The following CALN1 variants were observed in gnomAD, a reference collection of about 807,000 sequenced individuals.
The protein encoded by CALN1 is calneuron 1, also known as calcium-binding protein 8.
In CALN1, 17 loss-of-function variants were observed where a neutral mutation model predicts 30.6. The observed-to-expected ratio is 0.56, with a 90% CI of 0.38 to 0.83. The LOEUF (loss-of-function observed/expected upper bound fraction) is 0.83, where lower values mean the gene tolerates loss of function less well. Ranked by LOEUF, CALN1 falls within the 40% of genes least tolerant of loss-of-function variation. The pLI is 0.00. For missense variants in CALN1, 291 were observed against 354.9 expected (o/e 0.82, Z 1.45); for synonymous variants, 156 against 131.4 (o/e 1.19, Z -1.28).
At chr7:71,867,525 C>T (rs528998154) in intron 5 of CALN1, among the ~76,000 whole-genome samples, 1 of 152,184 alleles carries the variant, frequency 6.6e-6, no homozygotes, top group South Asian at 2.1e-4. Context: ...ACCTCCACCT[C>T]CCGGATTCAA....
the CALN1 span, among the ~76,000 whole-genome samples, chr7:72,475,653 G>A: frequency 4.2e-3 from 638 of 152,260 alleles, 3 homozygotes; most frequent in South Asian, 0.015. Flanking sequence ...GAATTTCATG[G>A]CATATGCCTT....
intron 3 of CALN1, among the ~76,000 whole-genome samples, chr7:72,189,300 G>A (rs894401060): frequency 1.2e-4 from 19 of 152,278 alleles, no homozygotes; most frequent in South Asian, 4.2e-4. Flanking sequence ...AGTAATATCC[G>A]TGTATTGTTT....
chr7:72,303,667 C>T (rs909977706), intron 2 of CALN1, among the ~76,000 whole-genome samples: 1 of 152,112 alleles, frequency 6.6e-6, no homozygotes, highest in Admixed American at 6.5e-5. Context: ...GGCTCGCCCT[C>T]CCTCCTTCAC....
intron 4 of CALN1, 54 bp from the exon 5 acceptor site, chr7:72,023,823 G>A (rs577813181): frequency 1.9e-5 from 25 of 1,305,610 alleles, no homozygotes; most frequent in East Asian, 4.6e-5. Flanking sequence ...TTGACCTACC[G>A]TACCTGATGC....
chr7:72,071,244 C>T (rs1385905090), intron 4 of CALN1, among the ~76,000 whole-genome samples: 3 of 152,130 alleles, frequency 2.0e-5, no homozygotes, highest in Admixed American at 1.3e-4. Flanking sequence ...CAAAAAAGCA[C>T]CCTGTCCTCC....
intron 2 of CALN1, among the ~76,000 whole-genome samples, chr7:72,293,222 T>C (rs915164064): frequency 2.0e-5 from 3 of 152,184 alleles, no homozygotes; most frequent in African/African-American, 7.2e-5. Flanking sequence ...AGATTAGAGA[T>C]GGCAGCAACG....
chr7:71,857,969 T>A, intron 5 of CALN1, among the ~76,000 whole-genome samples: 1 of 152,026 alleles, frequency 6.6e-6, no homozygotes, highest in East Asian at 1.9e-4. Context: ...ACTTAAGAAA[T>A]CAGGTGATGA....
At chr7:72,311,123 C>T (rs1158810517) in intron 2 of CALN1, among the ~76,000 whole-genome samples, 1 of 152,044 alleles carries the variant, frequency 6.6e-6, no homozygotes, top group East Asian at 1.9e-4. Flanking sequence ...CCCTCCTCCT[C>T]CTCTTCAGTC....
chr7:72,317,076 C>T (rs9647950), intron 2 of CALN1, among the ~76,000 whole-genome samples: 2 of 91,822 alleles, frequency 2.2e-5, no homozygotes, highest in South Asian at 3.5e-4. Context: ...AAGAGAGACA[C>T]AGAAAGAGAG....
At chr7:72,211,519 T>C (rs927138000) in intron 3 of CALN1, among the ~76,000 whole-genome samples, 2 of 152,130 alleles carry the variant, frequency 1.3e-5, no homozygotes, top group African/African-American at 2.4e-5. Flanking sequence ...CCTATCATAG[T>C]TCAGGGTACC....
At chr7:72,214,714 A>G (rs1365582625) in intron 3 of CALN1, among the ~76,000 whole-genome samples, 2 of 151,948 alleles carry the variant, frequency 1.3e-5, no homozygotes, top group African/African-American at 4.8e-5. Context: ...GAGGTGAGTG[A>G]GGGGTGCAGA....
chr7:72,013,488 C>A (rs1246203985), intron 5 of CALN1, among the ~76,000 whole-genome samples: 5 of 151,930 alleles, frequency 3.3e-5, no homozygotes, highest in Non-Finnish European at 7.4e-5. Flanking sequence ...CTGGGCTCAA[C>A]TGATCCTCCT....
At chr7:71,832,132 C>A (rs1202480581) in intron 5 of CALN1, among the ~76,000 whole-genome samples, 3 of 152,018 alleles carry the variant, frequency 2.0e-5, no homozygotes, top group African/African-American at 7.2e-5. Flanking sequence ...GTGGCTAAAA[C>A]ACCCCTGCTT....
intron 6 of CALN1, among the ~76,000 whole-genome samples, chr7:71,788,508 T>A (rs1364278644): frequency 3.3e-5 from 5 of 149,402 alleles, no homozygotes; most frequent in Admixed American, 6.7e-5. Flanking sequence ...TTTTTTTTTT[T>A]AGAGAAAGTG....
At chr7:71,927,791 G>A (rs1395313159) in intron 5 of CALN1, among the ~76,000 whole-genome samples, 1 of 152,094 alleles carries the variant, frequency 6.6e-6, no homozygotes, top group African/African-American at 2.4e-5. Context: ...TTGCAGATCA[G>A]GTTTTCTCTG....
chr7:72,467,334 C>T, the CALN1 span, among the ~76,000 whole-genome samples: 40 of 152,302 alleles, frequency 2.6e-4, no homozygotes, highest in Admixed American at 1.0e-3. Flanking sequence ...CCAGAGCAGC[C>T]CTGGCCCGTC....
At chr7:71,840,515 A>G (rs1268020884) in intron 5 of CALN1, among the ~76,000 whole-genome samples, 2 of 150,676 alleles carry the variant, frequency 1.3e-5, no homozygotes, top group Middle Eastern at 3.4e-3. Flanking sequence ...AAAAAAAGAG[A>G]AAAAGAAAAA....
rs565103626 is a variant in CALN1 at position 72,431,619 on chromosome 7, G to A, written c.-226+15423C>T. Among the ~76,000 whole-genome samples the A allele has an allele frequency of 1.3e-4, 20 of 152,248 alleles. No individual in the cohort carries two copies. The South Asian group carries it at 1.7e-3, about 13-fold the overall frequency. On this transcript the variant is annotated intron_variant, in intron 1 of 6. Transcript: ENST00000395276. ...TTTGGGGGGCCAAGGCTGGAAGATC[G>A]TTCGAGGCCAACAGTTCGAGACCAG...
chr7:72,216,982 G>C (rs1792866751), intron 3 of CALN1, among the ~76,000 whole-genome samples: 1 of 152,054 alleles, frequency 6.6e-6, no homozygotes, highest in South Asian at 2.1e-4. Flanking sequence ...GGGCTCAAGT[G>C]ATCCTCTCAC....
Sources: gnomAD v4.1 joint callset for allele counts (sites outside exome capture counted in the v4.1 genomes callset) on GRCh38, gnomAD v4.1.1 for gene constraint, MANE v1.5 for transcripts, NCBI Gene and HGNC (gene_info 2026-07-23, HGNC 2026-07-21) for gene names.